Variants in PHF3 observed in about 807,000 individuals in gnomAD.
PHF3 encodes PHD finger protein 3.
PHF3 carries 41 observed loss-of-function variants against 178.4 expected under a neutral mutation model. The observed-to-expected ratio is 0.23, with a 90% confidence interval of 0.18 to 0.30. PHF3 has a LOEUF of 0.30. PHF3 is among the 10% of genes least tolerant of loss of function. The pLI, the probability that PHF3 is intolerant of heterozygous loss-of-function variation, is 1.00. For missense variants in PHF3, 2,346 were observed against 2,398.1 expected (o/e 0.98, Z 0.45); for synonymous variants, 842 against 800.5 (o/e 1.05, Z -0.88).
intron 2 of PHF3, among the ~76,000 whole-genome samples, chr6:63,670,626 T>C (rs1180335297): frequency 6.6e-6 from 1 of 152,210 alleles, no homozygotes; most frequent in Non-Finnish European, 1.5e-5. Flanking sequence ...TGAGGATAAC[T>C]TCCTGATTTG....
Position 63,701,847 on chromosome 6 carries a change from A to G in PHF3, c.3100-661A>G, listed in dbSNP as rs113618782. 7.0e-3 allele frequency among the ~76,000 whole-genome samples: 1,065 copies of G among 152,282 alleles called. 15 individuals are homozygous for G. Among genetic ancestry groups the G allele is most frequent in the South Asian group, 0.024 (115 of 4,828 alleles). ...AGTAACATCTGTATCAGAAAATGCCAGCTTGTTCTTTCTTAAGGCCATGTA... is the reference window on the plus strand; with the variant it reads ...AGTAACATCTGTATCAGAAAATGCCGGCTTGTTCTTTCTTAAGGCCATGTA... On this transcript the variant is annotated intron_variant, in intron 9 of 15. Coordinates refer to ENST00000262043, the MANE Select transcript of PHF3 (RefSeq NM_001370348.2).
intron 2 of PHF3, among the ~76,000 whole-genome samples, chr6:63,677,324 A>G (rs1440976970): frequency 6.6e-6 from 1 of 152,038 alleles, no homozygotes; most frequent in African/African-American, 2.4e-5. Context: ...GAACTGTTGT[A>G]TCCTTCAGTA....
At chr6:63,682,622 G>T (rs1192867558) in intron 3 of PHF3, among the ~76,000 whole-genome samples, 1 of 151,958 alleles carries the variant, frequency 6.6e-6, no homozygotes, top group Non-Finnish European at 1.5e-5. Context: ...TGGTATATAC[G>T]TGTGGCTTTG....
chr6:63,670,807 C>T (rs574633348), intron 2 of PHF3, among the ~76,000 whole-genome samples: 170 of 152,310 alleles, frequency 1.1e-3, no homozygotes, highest in Non-Finnish European at 1.8e-3. Flanking sequence ...CAAATTCCTG[C>T]TCTTGTGGAG....
At chr6:63,644,969 T>C (rs1349200223) in intron 1 of PHF3, among the ~76,000 whole-genome samples, 1 of 151,824 alleles carries the variant, frequency 6.6e-6, no homozygotes, top group East Asian at 1.9e-4. Flanking sequence ...CAACCTCCAC[T>C]TCCCGGGCTT....
rs1230528514 is a variant in PHF3, at chr6:63,719,027, A to T, written c.*5319A>T. 2.0e-5 allele frequency among the ~76,000 whole-genome samples: 3 copies of T among 151,978 alleles called. No homozygotes were observed. Among genetic ancestry groups the T allele is most frequent in the Admixed American group, 2.0e-4 (3 of 15,210 alleles). ...GGAGTTGTTTTAAGTGGTTTCCGTTAAAAAAACAAACCTTTGAATCAATGT... is the reference window on the plus strand; with the variant it reads ...GGAGTTGTTTTAAGTGGTTTCCGTTTAAAAAACAAACCTTTGAATCAATGT... On this transcript the variant is annotated 3_prime_UTR_variant, in exon 16 of 16. Transcript: ENST00000262043.
intron 2 of PHF3, chr6:63,679,799 T>C (rs998782037): frequency 8.1e-6 from 5 of 617,266 alleles, no homozygotes; most frequent in Admixed American, 4.2e-5. Context: ...CTAATTACTT[T>C]ACAAGGTGGA....
chr6:63,700,292 G>A (rs1767416765), intron 8 of PHF3, 58 bp from the exon 9 acceptor site: 4 of 730,808 alleles, frequency 5.5e-6, no homozygotes, highest in Admixed American at 4.7e-5. Flanking sequence ...AAATTTCTGT[G>A]TAGTAGCCAC....
chr6:63,704,636 A>G (rs140835665), intron 11 of PHF3, among the ~76,000 whole-genome samples: 9 of 152,046 alleles, frequency 5.9e-5, no homozygotes, highest in African/African-American at 2.2e-4. Flanking sequence ...TAGTTTTTCC[A>G]TTCACTTAAT....
At chr6:63,696,683 T>C (rs1387389373) in intron 6 of PHF3, among the ~76,000 whole-genome samples, 1 of 152,070 alleles carries the variant, frequency 6.6e-6, no homozygotes. Flanking sequence ...GGGTGGCCTG[T>C]GAGGAAAGAG....
intron 2 of PHF3, among the ~76,000 whole-genome samples, chr6:63,651,772 T>C (rs1265069074): frequency 6.6e-6 from 1 of 152,132 alleles, no homozygotes; most frequent in Non-Finnish European, 1.5e-5. Context: ...AGCTCAACTC[T>C]TTTGCTGCTA....
intron 2 of PHF3, among the ~76,000 whole-genome samples, chr6:63,648,929 G>T (rs564105400): frequency 6.6e-6 from 1 of 152,058 alleles, no homozygotes; most frequent in Middle Eastern, 3.4e-3. Context: ...TCTAGCAGGG[G>T]ATTTATCTTG....
At chr6:63,678,697 T>C in intron 2 of PHF3, 1 of 312,546 alleles carries the variant, frequency 3.2e-6, no homozygotes, top group South Asian at 2.9e-5. Context: ...CATTCTTTCC[T>C]CTCTTTAAAT....
chr6:63,716,994 G>A lies in PHF3; in HGVS notation c.*3286G>A, dbSNP rs1347662954. ...AGGATTGGGGTGTAGACATCTTTTGGGGGATTATCATCTACCAACAGCCCT... is the reference window on the plus strand; with the variant it reads ...AGGATTGGGGTGTAGACATCTTTTGAGGGATTATCATCTACCAACAGCCCT... On this transcript the variant is annotated 3_prime_UTR_variant, in exon 16 of 16. Transcript: ENST00000262043. Among the ~76,000 whole-genome samples, 1 of 151,748 alleles carries A rather than the reference G, an allele frequency of 6.6e-6. No homozygotes were observed. The highest frequency in any genetic ancestry group is 1.5e-5 in the Non-Finnish European group (1 of 67,942).
chr6:63,702,862 C>T (rs1413951303), intron 10 of PHF3, among the ~76,000 whole-genome samples: 1 of 150,322 alleles, frequency 6.7e-6, no homozygotes, highest in Non-Finnish European at 1.5e-5. Context: ...TCCTGGAGTG[C>T]TCTGACTTAG....
intron 11 of PHF3, among the ~76,000 whole-genome samples, chr6:63,704,165 C>T (rs67632239): frequency 0.083 from 12,670 of 152,146 alleles, 573 homozygotes; most frequent in East Asian, 0.16. Context: ...TGCCTCCCTA[C>T]GTGCATAGTC....
intron 8 of PHF3, 112 bp from the exon 9 acceptor site, chr6:63,700,237 AT>A (rs775765483): frequency 1.1e-5 from 6 of 551,042 alleles, no homozygotes; most frequent in South Asian, 7.9e-5. Flanking sequence ...TATATAAATA[AT>A]TAAGTATTTG....
At chr6:63,683,970 G>A (rs1222343382) in intron 3 of PHF3, among the ~76,000 whole-genome samples, 159 bp from the exon 4 acceptor site, 1 of 151,922 alleles carries the variant, frequency 6.6e-6, no homozygotes, top group Non-Finnish European at 1.5e-5. Flanking sequence ...ATATATATGT[G>A]TATATATATC....
At chr6:63,651,047 T>G (rs533981551) in intron 2 of PHF3, among the ~76,000 whole-genome samples, 3 of 152,364 alleles carry the variant, frequency 2.0e-5, no homozygotes, top group Admixed American at 2.0e-4. Flanking sequence ...TTTTAAAGCT[T>G]CTGTGCTTCA....
Sources: allele counts gnomAD v4.1 joint callset (sites outside exome capture counted in the v4.1 genomes callset), GRCh38; gene constraint gnomAD v4.1.1; transcripts MANE v1.5; gene names NCBI Gene and HGNC (gene_info 2026-07-23, HGNC 2026-07-21).